RARB: variants seen among roughly 807,000 people sequenced by gnomAD.
RARB encodes the protein HBV-activated protein.
A neutral mutation model predicts 51.9 loss-of-function variants in RARB; 17 were observed. The observed-to-expected ratio is 0.33, with a 90% CI of 0.22 to 0.49. The LOEUF is 0.49. Ranked by LOEUF, RARB falls within the 20% of genes least tolerant of loss-of-function variation. The pLI is 0.99. For missense variants in RARB, 369 were observed against 550.8 expected, an observed-to-expected ratio of 0.67 and a Z score of 3.30; for synonymous variants, 215 against 195.4, an observed-to-expected ratio of 1.10 and a Z score of -0.84.
At chr3:25,017,620 G>A in intron 2 of RARB, among the ~76,000 whole-genome samples, 1 of 152,122 alleles carries the variant, frequency 6.6e-6, no homozygotes, top group African/African-American at 2.4e-5. Context: ...GAGATAAGGT[G>A]GAAACAGGAA....
At chr3:25,087,526 C>T (rs897716454) in intron 3 of RARB, among the ~76,000 whole-genome samples, 2 of 152,090 alleles carry the variant, frequency 1.3e-5, no homozygotes, top group Admixed American at 6.6e-5. Context: ...GCATCTGTCT[C>T]TTCTGCCATA....
chr3:25,118,199 G>T (rs1699722763), intron 3 of RARB, among the ~76,000 whole-genome samples: 1 of 152,118 alleles, frequency 6.6e-6, no homozygotes, highest in Non-Finnish European at 1.5e-5. Flanking sequence ...TAAACGCAGT[G>T]ATAACCCTCA....
intron 5 of RARB, among the ~76,000 whole-genome samples, chr3:25,194,506 G>T (rs1439838722): frequency 6.7e-6 from 1 of 149,656 alleles, no homozygotes; most frequent in Non-Finnish European, 1.5e-5. Context: ...CACACATAGT[G>T]ATATATATAT....
intron 5 of RARB, among the ~76,000 whole-genome samples, chr3:25,327,585 G>A (rs1559358770): frequency 6.6e-6 from 1 of 152,180 alleles, no homozygotes; most frequent in African/African-American, 2.4e-5. Flanking sequence ...GTCTCAGAAT[G>A]TTTCTCTCCA....
chr3:25,253,028 G>GT (rs2125402841), intron 5 of RARB, among the ~76,000 whole-genome samples: 1 of 152,284 alleles, frequency 6.6e-6, no homozygotes, highest in African/African-American at 2.4e-5. Context: ...TGTAAGTTAA[G>GT]CTGAACTGTC....
At chr3:25,398,214 T>TA (rs1185697295) in intron 5 of RARB, among the ~76,000 whole-genome samples, 7 of 151,552 alleles carry the variant, frequency 4.6e-5, no homozygotes, top group African/African-American at 1.2e-4. Flanking sequence ...TCTGAGAACA[T>TA]AAAAAAAATG....
intron 2 of RARB, among the ~76,000 whole-genome samples, chr3:24,929,443 G>T (rs898446361): frequency 6.6e-6 from 1 of 152,112 alleles, no homozygotes; most frequent in East Asian, 1.9e-4. Flanking sequence ...AATGTTCTGA[G>T]CTGTAGTTTA....
intron 2 of RARB, among the ~76,000 whole-genome samples, chr3:24,991,377 A>C (rs1332821335): frequency 6.6e-6 from 1 of 151,948 alleles, no homozygotes; most frequent in African/African-American, 2.4e-5. Flanking sequence ...TGGGAGGTAG[A>C]GGTTGCAGTG....
intron 5 of RARB, among the ~76,000 whole-genome samples, chr3:25,374,781 C>G (rs1706406625): frequency 6.6e-6 from 1 of 152,152 alleles, no homozygotes; most frequent in Non-Finnish European, 1.5e-5. Flanking sequence ...AACGTGTCTT[C>G]TTTTCAGAAT....
At chr3:25,335,715 T>C (rs1199644533) in intron 5 of RARB, among the ~76,000 whole-genome samples, 1 of 151,698 alleles carries the variant, frequency 6.6e-6, no homozygotes, top group Admixed American at 6.6e-5. Flanking sequence ...AATTTCACAT[T>C]TACTTTCTGC....
At chr3:25,422,715 AAT>A (rs767091102) in intron 5 of RARB, among the ~76,000 whole-genome samples, 2 of 152,074 alleles carry the variant, frequency 1.3e-5, no homozygotes, top group African/African-American at 2.4e-5. Context: ...CTAGATGAAT[AAT>A]ATAATAAAAA....
intron 1 of RARB, among the ~76,000 whole-genome samples, chr3:25,448,994 C>A (rs2125539328): frequency 6.6e-6 from 1 of 152,008 alleles, no homozygotes; most frequent in East Asian, 1.9e-4. Context: ...ACAACCAATT[C>A]TGGATATTGG....
intron 5 of RARB, among the ~76,000 whole-genome samples, chr3:25,183,187 C>T (rs1043841494): frequency 2.6e-5 from 4 of 152,182 alleles, no homozygotes; most frequent in African/African-American, 9.7e-5. Context: ...TGTTTATTTT[C>T]TCATAATTTT....
intron 2 of RARB, among the ~76,000 whole-genome samples, chr3:25,488,668 A>G (rs1575452002): frequency 2.0e-5 from 3 of 152,246 alleles, no homozygotes; most frequent in South Asian, 2.1e-4. Context: ...CCAGATGGGA[A>G]GTAGCCACTG....
At chr3:25,192,211 CATAGTT>C (rs1701120589) in intron 5 of RARB, among the ~76,000 whole-genome samples, 2 of 152,052 alleles carry the variant, frequency 1.3e-5, no homozygotes, top group South Asian at 2.1e-4. Context: ...AATAACCTCT[CATAGTT>C]AAATAATTTA....
At chr3:25,349,436 A>T (rs1559367263) in intron 5 of RARB, among the ~76,000 whole-genome samples, 1 of 152,192 alleles carries the variant, frequency 6.6e-6, no homozygotes, top group Admixed American at 6.5e-5. Flanking sequence ...ACTGAGGTCA[A>T]TTCTAGTTCA....
At chr3:25,495,458 A>T (rs1452312899) in intron 2 of RARB, among the ~76,000 whole-genome samples, 1 of 152,256 alleles carries the variant, frequency 6.6e-6, no homozygotes, top group African/African-American at 2.4e-5. Flanking sequence ...TGCACTGTAG[A>T]TAATAGGAAT....
intron 2 of RARB, among the ~76,000 whole-genome samples, chr3:25,039,841 T>C (rs1411799158): frequency 6.6e-6 from 1 of 152,182 alleles, no homozygotes; most frequent in Non-Finnish European, 1.5e-5. Flanking sequence ...GTTGCATAGA[T>C]TTTGCAGAAA....
chr3:25,030,194 G>A (rs969398328), intron 2 of RARB, among the ~76,000 whole-genome samples: 1 of 152,198 alleles, frequency 6.6e-6, no homozygotes, highest in Non-Finnish European at 1.5e-5. Flanking sequence ...GATTGAGAAA[G>A]ACAGGGGAGA....
Sources: allele counts gnomAD v4.1 joint callset (sites outside exome capture counted in the v4.1 genomes callset), GRCh38; gene constraint gnomAD v4.1.1; transcripts MANE v1.5; gene names NCBI Gene and HGNC (gene_info 2026-07-23, HGNC 2026-07-21).